Variants in GLRA1 observed in about 807,000 individuals in gnomAD.
GLRA1 encodes glycine receptor subunit alpha-1.
In GLRA1, 37 loss-of-function variants were observed where a neutral mutation model predicts 48.3. The ratio of observed to expected loss-of-function variants is 0.77; its 90% confidence interval spans 0.59 to 1.01. GLRA1 has a LOEUF of 1.01. Among genes scored for constraint, GLRA1 ranks in the 50% least tolerant of loss-of-function variants. GLRA1 has a pLI of 0.00. For synonymous variants in GLRA1, 196 were observed against 210.7 expected (o/e 0.93, Z 0.60); for missense variants, 427 against 571.0 (o/e 0.75, Z 2.57).
At chr5:151,875,489 T>G (rs958701862) in intron 3 of GLRA1, 1 of 152,206 alleles carries the variant, frequency 6.6e-6, no homozygotes, top group Non-Finnish European at 1.5e-5. Context: ...GGGCTTTTGA[T>G]CTCCTTGTGT....
At position 151,855,178 on chromosome 5, in the gene GLRA1, C is replaced by G. The variant is rs748908505; in HGVS notation, c.560-1G>C. 1.2e-6 allele frequency: 2 copies of G among 1,614,014 alleles called. No homozygotes were observed. Among genetic ancestry groups the G allele is most frequent in the Non-Finnish European group, 1.7e-6 (2 of 1,179,894 alleles). On this transcript the variant is annotated splice_acceptor_variant, in intron 5 of 8. Coordinates refer to ENST00000274576, the MANE Select transcript of GLRA1 (RefSeq NM_000171.4). LOFTEE classifies it high-confidence loss of function. ...ATGAGGTCATTCATCGTATATCCAA[C>G]TGGGATGGGATCAGAAGAAGGAGCA...
In GLRA1 at chr5:151,867,280, T is replaced by C. The variant is rs77509830; in HGVS notation, c.253-7272A>G. ...TCCTCCAGAAGTTAGCATCTCTAGA[T>C]CTAGGATTGTTCTGAGGTGTGAACA... On this transcript the variant is annotated intron_variant, in intron 3 of 8. Coordinates refer to ENST00000274576, the MANE Select transcript of GLRA1 (RefSeq NM_000171.4). 6.5e-3 allele frequency among the ~76,000 whole-genome samples: 992 copies of C among 152,260 alleles called. 11 individuals carry two copies. Among genetic ancestry groups the C allele is most frequent in the African/African-American group, 0.022 (925 of 41,550 alleles).
rs1030164338 is a variant in GLRA1, at chr5:151,878,327, T to C, written c.252+8394A>G. Among the ~76,000 whole-genome samples the C allele has an allele frequency of 1.4e-4, 22 of 152,308 alleles. No individual in the cohort carries two copies. The South Asian group carries it at 1.7e-3, about 11-fold the overall frequency. On this transcript the variant is annotated intron_variant, in intron 3 of 8. Coordinates refer to ENST00000274576, the MANE Select transcript of GLRA1 (RefSeq NM_000171.4). ...AAGCAGCAAAGCATTCAAGAAGTTA[T>C]GTGGTTGCTGTTAAAGGCACTCGGT...
At position 151,869,715 on chromosome 5, in the gene GLRA1, AAAAAAC is replaced by A. The variant is rs958056377; in HGVS notation, c.253-9713_253-9708del. ...GGGCGACAGAGCGAGACTCCACCTCAAAAAACAAAAACAAAAACAAAAACAAAACAA... is the reference window on the plus strand; with the variant it reads ...GGGCGACAGAGCGAGACTCCACCTCAAAAAACAAAAACAAAAACAAAACAA... On this transcript the variant is annotated intron_variant, in intron 3 of 8. Coordinates refer to ENST00000274576, the MANE Select transcript of GLRA1 (RefSeq NM_000171.4). Among the ~76,000 whole-genome samples, 11 of 149,774 alleles carry A rather than the reference AAAAAAC, an allele frequency of 7.3e-5. No individual in the cohort carries two copies. The South Asian group carries it at 1.2e-3, about 17-fold the overall frequency.
intron 6 of GLRA1, among the ~76,000 whole-genome samples, chr5:151,852,780 G>T (rs1003052947): frequency 6.6e-6 from 1 of 152,236 alleles, no homozygotes; most frequent in Admixed American, 6.5e-5. Context: ...GTGAACATGG[G>T]AGTGCAGATA....
At chr5:151,829,341 T>C (rs1268705656) in intron 7 of GLRA1, among the ~76,000 whole-genome samples, 1 of 152,224 alleles carries the variant, frequency 6.6e-6, no homozygotes, top group African/African-American at 2.4e-5. Context: ...TAGAACAGAA[T>C]GCTGTCTTTC....
At chr5:151,920,582 T>A (rs1457991781) in intron 1 of GLRA1, among the ~76,000 whole-genome samples, 1 of 152,316 alleles carries the variant, frequency 6.6e-6, no homozygotes. Flanking sequence ...TTTTCTTTTC[T>A]CTTTTTTAAG....
rs182737288 is a variant in GLRA1, at chr5:151,911,817, C to G, written c.56+12677G>C. The stretch of plus-strand genomic sequence containing the variant: ...TAGAGACGAGGTTTCACCGTGTTAG[C>G]CAGGATGGTCTCGATCTCCTGACCT... On this transcript the variant is annotated intron_variant, in intron 1 of 8. Transcript: ENST00000274576. 9.2e-5 allele frequency among the ~76,000 whole-genome samples: 14 copies of G among 152,030 alleles called. No individual in the cohort carries two copies. The East Asian group carries it at 2.5e-3, about 27-fold the overall frequency.
chr5:151,914,328 C>T (rs573494734), intron 1 of GLRA1, among the ~76,000 whole-genome samples: 1 of 152,264 alleles, frequency 6.6e-6, no homozygotes, highest in African/African-American at 2.4e-5. Context: ...CTCCCCTTGC[C>T]TTGTCTGGGC....
chr5:151,823,129 T>C (rs943949654), intron 8 of GLRA1, 166 bp from the exon 9 acceptor site: 1 of 627,994 alleles, frequency 1.6e-6, no homozygotes, highest in Admixed American at 3.0e-5. Context: ...TGGGGAGTTC[T>C]GCCTTATAGA....
chr5:151,860,513 T>A (rs1753168356), intron 3 of GLRA1, among the ~76,000 whole-genome samples: 1 of 152,222 alleles, frequency 6.6e-6, no homozygotes, highest in Non-Finnish European at 1.5e-5. Context: ...TCAAAGCTGA[T>A]GTCTGAGCAT....
At chr5:151,850,294 G>C in intron 7 of GLRA1, 1 of 1,603,296 alleles carries the variant, frequency 6.2e-7, no homozygotes, top group Non-Finnish European at 8.5e-7. Context: ...TTTCAAACCG[G>C]ACCCTGTGAA....
chr5:151,905,727 G>A (rs1455077929), intron 1 of GLRA1, among the ~76,000 whole-genome samples: 2 of 152,040 alleles, frequency 1.3e-5, no homozygotes, highest in Non-Finnish European at 2.9e-5. Context: ...GGCAAGGGCT[G>A]AAGTCAACGG....
intron 1 of GLRA1, among the ~76,000 whole-genome samples, chr5:151,897,877 C>T (rs1581654167): frequency 2.6e-5 from 4 of 152,196 alleles, no homozygotes; most frequent in Non-Finnish European, 4.4e-5. Context: ...GTTATGTATA[C>T]AAATAGATGG....
chr5:151,899,134 T>C (rs1218254105), intron 1 of GLRA1, among the ~76,000 whole-genome samples: 1 of 152,128 alleles, frequency 6.6e-6, no homozygotes, highest in Admixed American at 6.5e-5. Context: ...TAGTAGTAAT[T>C]AAAAATTCGA....
rs77451630 is a variant in GLRA1, at chr5:151,828,958, T to C, written c.1022A>G (p.Glu341Gly). 4.4e-5 allele frequency: 71 copies of C among 1,614,136 alleles called. No homozygotes were observed. In the East Asian group the frequency reaches 1.1e-3, roughly 26 times the overall value. Residue 341 changes from glutamate (E) to glycine (G), a missense_variant, in exon 8 of 9, where the codon GAG becomes GGG. Physicochemically the swap from Glu to Gly is moderately conservative, Grantham distance 98 (BLOSUM62 -2). Around this residue, in one of 4 missense-constraint regions of GLRA1, gnomAD observed 271 missense variants for 434.9 expected, o/e 0.62. Coordinates refer to ENST00000274576, the MANE Select transcript of GLRA1 (RefSeq NM_000171.4). Reference sequence around the variant, plus strand: ...CCGCTTCCTCCTGAATCGGAGCAGCTCCTTATGTTGCCGAGACACAAAGTT... The same window carrying C: ...CCGCTTCCTCCTGAATCGGAGCAGCCCCTTATGTTGCCGAGACACAAAGTT... ...AVNFVSRQHK[E>G]LLRFRRKRRH...
rs569829520 is a variant in GLRA1 at position 151,887,937 on chromosome 5, T to A, written c.185-1149A>T. On this transcript the variant is annotated intron_variant, in intron 2 of 8. Transcript: ENST00000274576. ...AGATGACTTTGAAGGTGAATAGGAC[T>A]TGGATAAATGGTCACAGCCCTTCAC... Among the ~76,000 whole-genome samples the A allele has an allele frequency of 6.6e-5, 10 of 152,320 alleles. 1 individual carries two copies. The highest frequency in any genetic ancestry group is 2.4e-4 in the African/African-American group (10 of 41,566).
chr5:151,837,456 T>A (rs1763604936), intron 7 of GLRA1, among the ~76,000 whole-genome samples: 1 of 152,184 alleles, frequency 6.6e-6, no homozygotes, highest in African/African-American at 2.4e-5. Flanking sequence ...GCAATCCCAA[T>A]ACTGGGTATA....
Position 151,822,548 on chromosome 5 carries a change from A to G in GLRA1, c.*125T>C, listed in dbSNP as rs1221976637. The G allele has an allele frequency of 5.4e-6, 4 of 740,012 alleles. No individual in the cohort carries two copies. Among genetic ancestry groups the G allele is most frequent in the Non-Finnish European group, 9.8e-6 (4 of 407,840 alleles). The allele number at this position is 740,012 out of a possible 1,614,324, so 45.8% of individuals were successfully genotyped here. ...GCATCACTGCATTTTGCTATTGCACATATTGCAGAGAGAGTTGTGTAAGTG... is the reference window on the plus strand; with the variant it reads ...GCATCACTGCATTTTGCTATTGCACGTATTGCAGAGAGAGTTGTGTAAGTG... On this transcript the variant is annotated 3_prime_UTR_variant, in exon 9 of 9. Transcript: ENST00000274576.
Sources: gnomAD v4.1 joint callset for allele counts (sites outside exome capture counted in the v4.1 genomes callset) on GRCh38, gnomAD v4.1.1 for gene constraint, gnomAD v4.1.1 regional missense constraint, MANE v1.5 for transcripts, NCBI Gene and HGNC (gene_info 2026-07-23, HGNC 2026-07-21) for gene names.